Variants in RBM27 observed in about 807,000 individuals in gnomAD.
The protein encoded by RBM27 is RNA binding motif protein 27.
RBM27 carries 22 observed loss-of-function variants against 135.3 expected under a neutral mutation model. The ratio of observed to expected loss-of-function variants is 0.16; its 90% CI spans 0.12 to 0.23. The LOEUF is 0.23. Ranked by LOEUF, RBM27 falls within the 10% of genes least tolerant of loss-of-function variation. The probability of loss-of-function intolerance (pLI) is 1.00; values close to 1 mark genes in which losing one functional copy is unlikely to be tolerated. For missense variants in RBM27, 1,009 were observed against 1,281.0 expected (o/e 0.79, Z 3.24); for synonymous variants, 481 against 442.4 (o/e 1.09, Z -1.10).
chr5:146,206,160 G>T (rs1755636254), intron 1 of RBM27, among the ~76,000 whole-genome samples: 2 of 152,110 alleles, frequency 1.3e-5, no homozygotes, highest in Non-Finnish European at 2.9e-5. Context: ...AGTTTTGTTG[G>T]TAGCTATCCT....
intron 8 of RBM27, among the ~76,000 whole-genome samples, chr5:146,241,605 T>A (rs1429483299): frequency 6.6e-6 from 1 of 152,202 alleles, no homozygotes; most frequent in East Asian, 1.9e-4. Context: ...ACTACAGTCG[T>A]GGGCCCCAAG....
intron 19 of RBM27, among the ~76,000 whole-genome samples, chr5:146,273,254 A>C (rs1215383882): frequency 6.6e-6 from 1 of 152,178 alleles, no homozygotes; most frequent in Non-Finnish European, 1.5e-5. Context: ...GTCACTGGAG[A>C]CTATATGTAG....
At chr5:146,272,906 A>C (rs542521006) in intron 19 of RBM27, among the ~76,000 whole-genome samples, 3 of 152,308 alleles carry the variant, frequency 2.0e-5, no homozygotes. Flanking sequence ...CTCTTGACCC[A>C]GTTCTTTCCC....
At chr5:146,211,605 C>T (rs943346063) in intron 1 of RBM27, among the ~76,000 whole-genome samples, 2 of 151,034 alleles carry the variant, frequency 1.3e-5, no homozygotes, top group Non-Finnish European at 2.9e-5. Context: ...CCTCAGCCTC[C>T]TGAGTAGCTG....
chr5:146,264,333 G>A (rs1758524338), intron 14 of RBM27, among the ~76,000 whole-genome samples: 1 of 151,734 alleles, frequency 6.6e-6, no homozygotes, highest in Non-Finnish European at 1.5e-5. Flanking sequence ...ACAGGCATGC[G>A]CCACCATGCC....
rs772447292 is a variant in RBM27 at position 146,263,505 on chromosome 5, A to G, written c.2205A>G (p.Pro735=). The G allele has an allele frequency of 3.1e-6, 5 of 1,613,478 alleles. No individual in the cohort carries two copies. In the East Asian group the frequency reaches 6.7e-5, roughly 22 times the overall value. Residue 735 remains proline (P), a synonymous_variant, in exon 14 of 21, where the codon CCA becomes CCG. Coordinates refer to ENST00000265271, the MANE Select transcript of RBM27 (RefSeq NM_018989.2). The part of the protein sequence containing the change: ...HGGIQKMMSK[P]QTSGAYVLNK... ...TGTATGTGCAGATGATGAGCAAACC[A>G]CAGACATCAGGTGCATATGTTCTTA...
At chr5:146,252,786 A>G (rs1353534900) in intron 9 of RBM27, among the ~76,000 whole-genome samples, 2 of 152,184 alleles carry the variant, frequency 1.3e-5, no homozygotes, top group Non-Finnish European at 2.9e-5. Context: ...AGCTAGACAT[A>G]TCATTACAGT....
intron 2 of RBM27, among the ~76,000 whole-genome samples, chr5:146,221,117 A>G (rs1756445909): frequency 6.6e-6 from 1 of 151,536 alleles, no homozygotes; most frequent in Non-Finnish European, 1.5e-5. Context: ...GCTACTCGGC[A>G]GGCCTGGACG....
At chr5:146,225,567 G>GTTTTTTTTTTTTTTT in intron 3 of RBM27, among the ~76,000 whole-genome samples, 1 of 133,584 alleles carries the variant, frequency 7.5e-6, no homozygotes, top group Non-Finnish European at 1.6e-5. Flanking sequence ...TTACCTTTCT[G>GTTTTTTTTTTTTTTT]TTTTTTTTTT....
chr5:146,239,472 C>CTTTT (rs916182587), intron 8 of RBM27, among the ~76,000 whole-genome samples: 160 of 55,354 alleles, frequency 2.9e-3, no homozygotes, highest in Non-Finnish European at 3.8e-3. Context: ...TTTTCCTTTT[C>CTTTT]TTTTTTTTTT....
chr5:146,210,522 G>A (rs933606976), intron 1 of RBM27, among the ~76,000 whole-genome samples: 6 of 152,004 alleles, frequency 3.9e-5, no homozygotes, highest in Non-Finnish European at 8.8e-5. Flanking sequence ...AAAAAAATAT[G>A]TGAAAGGAGC....
intron 20 of RBM27, among the ~76,000 whole-genome samples, chr5:146,285,249 CTGT>C (rs1264984024): frequency 2.6e-5 from 4 of 152,000 alleles, no homozygotes; most frequent in African/African-American, 9.7e-5. Context: ...TTTTTTACTC[CTGT>C]TGTTTATCAT....
chr5:146,263,698 A>G (rs2126860980), intron 14 of RBM27, 67 bp downstream of exon 14: 2 of 1,547,686 alleles, frequency 1.3e-6, no homozygotes, highest in Non-Finnish European at 1.8e-6. Flanking sequence ...TAAATCAGTT[A>G]TCATTCAGAC....
At chr5:146,236,340 A>G (rs1405110569) in intron 7 of RBM27, among the ~76,000 whole-genome samples, 1 of 152,184 alleles carries the variant, frequency 6.6e-6, no homozygotes, top group Non-Finnish European at 1.5e-5. Context: ...GACATCGTAC[A>G]CTTAAGCATG....
chr5:146,213,746 T>A (rs1442177265), intron 1 of RBM27, among the ~76,000 whole-genome samples: 1 of 152,216 alleles, frequency 6.6e-6, no homozygotes, highest in East Asian at 1.9e-4. Context: ...AGTTGTGTAA[T>A]ATACGTGCAA....
intron 9 of RBM27, among the ~76,000 whole-genome samples, chr5:146,253,382 A>T (rs561756214): frequency 6.6e-6 from 1 of 152,152 alleles, no homozygotes; most frequent in Non-Finnish European, 1.5e-5. Context: ...TCTAATAGGA[A>T]TGTCATTGTG....
intron 1 of RBM27, among the ~76,000 whole-genome samples, chr5:146,205,544 C>T (rs933755167): frequency 6.6e-6 from 1 of 151,996 alleles, no homozygotes; most frequent in Non-Finnish European, 1.5e-5. Flanking sequence ...TGACTGAACA[C>T]ACTTGAAGGT....
intron 3 of RBM27, among the ~76,000 whole-genome samples, chr5:146,227,261 A>G (rs1756722406): frequency 6.6e-6 from 1 of 152,086 alleles, no homozygotes; most frequent in Admixed American, 6.5e-5. Context: ...TTTTTCCTTA[A>G]ATTTTATTTT....
chr5:146,248,927 T>C (rs1370664349), intron 8 of RBM27, among the ~76,000 whole-genome samples: 2 of 152,366 alleles, frequency 1.3e-5, no homozygotes, highest in Admixed American at 1.3e-4. Flanking sequence ...AGTAGTCATA[T>C]GGACTAAGAT....
Sources: allele counts gnomAD v4.1 joint callset (sites outside exome capture counted in the v4.1 genomes callset), GRCh38; gene constraint gnomAD v4.1.1; transcripts MANE v1.5; gene names NCBI Gene and HGNC (gene_info 2026-07-23, HGNC 2026-07-21).